SLC22A24: variants seen among roughly 807,000 people sequenced by gnomAD.
The protein encoded by SLC22A24 is solute carrier family 22 member 24.
A neutral mutation model predicts 49.8 loss-of-function variants in SLC22A24; 53 were observed. That is an observed-to-expected ratio of 1.06 (90% confidence interval 0.85 to 1.34). The LOEUF (loss-of-function observed/expected upper bound fraction) is 1.34, where lower values mean the gene tolerates loss of function less well. Among genes scored for constraint, SLC22A24 ranks in the 40% most tolerant of loss-of-function variants. SLC22A24 has a pLI of 0.00. For synonymous variants in SLC22A24, 302 were observed against 256.4 expected (o/e 1.18, Z -1.70); for missense variants, 786 against 675.9 (o/e 1.16, Z -1.81).
chr11:63,129,787 T>A lies in SLC22A24; in HGVS notation c.506+4878A>T, dbSNP rs188249410. On this transcript the variant is annotated intron_variant, in intron 2 of 9. Transcript: ENST00000612278. Reference sequence around the variant, plus strand: ...GATTTGGCTCTCTGTTTGTCTGTTATTGGTGTGTAGCAATGCTTGTGATTT... The same window carrying A: ...GATTTGGCTCTCTGTTTGTCTGTTAATGGTGTGTAGCAATGCTTGTGATTT... Among the ~76,000 whole-genome samples the A allele has an allele frequency of 1.7e-3, 258 of 152,304 alleles. 1 individual carries two copies. The highest frequency in any genetic ancestry group is 6.0e-3 in the African/African-American group (251 of 41,568).
chr11:63,104,253 T>C lies in SLC22A24; in HGVS notation c.876A>G (p.Leu292=). The part of the protein sequence containing the change: ...SARWLIINNQ[L]DEGLKELRRV... Reference sequence around the variant, plus strand: ...TTCTAAGCTCCTTTAAGCCCTCATCTAGCTGATTGTTGATAATCAGCCACC... The same window carrying C: ...TTCTAAGCTCCTTTAAGCCCTCATCCAGCTGATTGTTGATAATCAGCCACC... The change falls in exon 5 of 10, where the codon CTA becomes CTG. Residue 292 remains leucine, a synonymous_variant. Transcript: ENST00000612278. The C allele has an allele frequency of 6.4e-7, 1 of 1,550,838 alleles. No homozygotes were observed. The highest frequency in any genetic ancestry group is 2.0e-5 in the Admixed American group (1 of 50,978).
chr11:63,092,978 A>C (rs1254729965), intron 6 of SLC22A24, among the ~76,000 whole-genome samples: 1 of 152,170 alleles, frequency 6.6e-6, no homozygotes, highest in Non-Finnish European at 1.5e-5. Flanking sequence ...ATCTACAAGA[A>C]CCTTAAACAA....
intron 2 of SLC22A24, among the ~76,000 whole-genome samples, chr11:63,123,185 G>C (rs541779573): frequency 2.0e-5 from 3 of 152,000 alleles, no homozygotes; most frequent in East Asian, 3.9e-4. Flanking sequence ...AAGAATGAGG[G>C]CACAGTTGTA....
intron 1 of SLC22A24, among the ~76,000 whole-genome samples, chr11:63,136,574 A>G (rs534834706): frequency 1.8e-4 from 27 of 152,298 alleles, no homozygotes; most frequent in African/African-American, 6.3e-4. Flanking sequence ...TTTGAGGCTG[A>G]TTTGAGTAAT....
chr11:63,112,819 G>A (rs996340765), intron 4 of SLC22A24, among the ~76,000 whole-genome samples: 7 of 150,678 alleles, frequency 4.6e-5, no homozygotes, highest in East Asian at 2.0e-4. Context: ...TGAGACCATC[G>A]TGGCTAATAT....
intron 6 of SLC22A24, among the ~76,000 whole-genome samples, chr11:63,094,227 T>G (rs2087038597): frequency 6.9e-6 from 1 of 145,720 alleles, no homozygotes; most frequent in South Asian, 2.2e-4. Flanking sequence ...CACCTATGAG[T>G]GAGAACATGC....
At chr11:63,135,513 G>T (rs760555908) in intron 1 of SLC22A24, among the ~76,000 whole-genome samples, 24 of 152,252 alleles carry the variant, frequency 1.6e-4, no homozygotes, top group African/African-American at 4.6e-4. Flanking sequence ...TAATTAATTC[G>T]CTTAATATTA....
At chr11:63,097,042 G>A (rs547221252) in intron 5 of SLC22A24, among the ~76,000 whole-genome samples, 7 of 152,098 alleles carry the variant, frequency 4.6e-5, no homozygotes, top group Admixed American at 1.3e-4. Flanking sequence ...ATGATTTAGT[G>A]CAGGATATGG....
At chr11:63,111,333 G>A (rs1333011342) in intron 4 of SLC22A24, among the ~76,000 whole-genome samples, 5 of 152,022 alleles carry the variant, frequency 3.3e-5, no homozygotes, top group Non-Finnish European at 5.9e-5. Flanking sequence ...GTCTCTGCCC[G>A]GCTTTGGTAT....
At chr11:63,117,983 C>T (rs949503173) in intron 4 of SLC22A24, among the ~76,000 whole-genome samples, 2 of 152,106 alleles carry the variant, frequency 1.3e-5, no homozygotes, top group African/African-American at 2.4e-5. Context: ...AATTGTTATC[C>T]ATCACTTCAG....
In SLC22A24 at chr11:63,116,194, G is replaced by A. The variant is rs552557110; in HGVS notation, c.830+2718C>T. On this transcript the variant is annotated intron_variant, in intron 4 of 9. Transcript: ENST00000612278. ...ATCTTCTTTAGGCCCTTCTTGATGT[G>A]CTTCTTGGCAAAGCGCATATTCTTC... 24 of 379,182 alleles carry A rather than the reference G, an allele frequency of 6.3e-5. No homozygotes were observed. The East Asian group carries it at 1.1e-3, about 17-fold the overall frequency. The allele number at this position is 379,182 out of a possible 1,614,324, so 23.5% of individuals were successfully genotyped here. A position where few individuals can be genotyped will look rare whatever the true frequency, so the allele number is the denominator to read the frequency against.
At chr11:63,099,811 T>C (rs958739172) in intron 5 of SLC22A24, among the ~76,000 whole-genome samples, 1 of 152,006 alleles carries the variant, frequency 6.6e-6, no homozygotes, top group South Asian at 2.1e-4. Context: ...ATGAACAGAA[T>C]AAAGGACAAA....
chr11:63,091,234 A>T (rs892496910), intron 6 of SLC22A24, among the ~76,000 whole-genome samples: 1 of 152,240 alleles, frequency 6.6e-6, no homozygotes, highest in Non-Finnish European at 1.5e-5. Context: ...GTAGGACGAT[A>T]ACATGTTCTG....
At chr11:63,116,256 C>A (rs72920203) in intron 4 of SLC22A24, 31,879 of 314,270 alleles carry the variant, frequency 0.1, 1,966 homozygotes, top group East Asian at 0.19. Flanking sequence ...AGATTCATAT[C>A]TTTGTGATCA....
rs1646733806 is a variant in SLC22A24 at position 63,143,816 on chromosome 11, T to C, written c.-37A>G. The C allele has an allele frequency of 1.5e-6, 2 of 1,326,480 alleles. No individual in the cohort carries two copies. Among genetic ancestry groups the C allele is most frequent in the Non-Finnish European group, 1.9e-6 (2 of 1,034,094 alleles). The allele number at this position is 1,326,480 out of a possible 1,614,324, so 82.2% of individuals were successfully genotyped here. ...AGGTGATCCCCAAGAGGAAGCACAA[T>C]GACTTTATGAAGAGAAGTTCAGAGG... On this transcript the variant is annotated 5_prime_UTR_variant, in exon 1 of 10. Coordinates refer to ENST00000612278, the MANE Select transcript of SLC22A24 (RefSeq NM_001136506.2).
Position 63,119,164 on chromosome 11 carries a change from T to C in SLC22A24, c.661+17A>G. The C allele has an allele frequency of 6.5e-7, 1 of 1,529,910 alleles. No individual in the cohort carries two copies. The highest frequency in any genetic ancestry group is 8.8e-7 in the Non-Finnish European group (1 of 1,136,826). 94.8% of individuals were successfully genotyped at this position (1,529,910 alleles called of 1,614,324 possible). A position where few individuals can be genotyped will look rare whatever the true frequency, so the allele number is the denominator to read the frequency against. On this transcript the variant is annotated intron_variant, in intron 3 of 9. Coordinates refer to ENST00000612278, the MANE Select transcript of SLC22A24 (RefSeq NM_001136506.2). ...TCAAGACATGGAGATGATAAAATGC[T>C]CAAATTATTGACTTACTGAGAATAA...
At chr11:63,115,882 C>G (rs2087209426) in intron 4 of SLC22A24, 2 of 268,924 alleles carry the variant, frequency 7.4e-6, no homozygotes, top group African/African-American at 4.4e-5. Flanking sequence ...GATATCCACT[C>G]TGAAGTCTTT....
chr11:63,099,037 C>T (rs1297527328), intron 5 of SLC22A24, among the ~76,000 whole-genome samples: 2 of 152,078 alleles, frequency 1.3e-5, no homozygotes, highest in East Asian at 1.9e-4. Context: ...TTCCTAGTCA[C>T]ATGCAACTTA....
rs190549516 is a variant in SLC22A24 at position 63,128,355 on chromosome 11, C to T, written c.506+6310G>A. On this transcript the variant is annotated intron_variant, in intron 2 of 9. Coordinates refer to ENST00000612278, the MANE Select transcript of SLC22A24 (RefSeq NM_001136506.2). The stretch of plus-strand genomic sequence containing the variant: ...GTTACCTAGCGGACCTTGGTCTAGT[C>T]GTAGCGTCAGTGCCTAGGAAAAGCA... 1.2e-4 allele frequency among the ~76,000 whole-genome samples: 18 copies of T among 150,132 alleles called. No individual in the cohort carries two copies. The East Asian group carries it at 3.4e-3, about 28-fold the overall frequency.
Sources: allele counts gnomAD v4.1 joint callset (sites outside exome capture counted in the v4.1 genomes callset), GRCh38; gene constraint gnomAD v4.1.1; transcripts MANE v1.5; gene names NCBI Gene and HGNC (gene_info 2026-07-23, HGNC 2026-07-21).